The following GABRB1 variants were observed in gnomAD, a reference collection of about 807,000 sequenced individuals.
GABRB1 encodes the protein gamma-aminobutyric acid type A receptor subunit beta1.
In GABRB1, 17 loss-of-function variants were observed where a neutral mutation model predicts 51.6. The ratio of observed to expected loss-of-function variants is 0.33; its 90% CI spans 0.23 to 0.49. The LOEUF (loss-of-function observed/expected upper bound fraction) is 0.49, where lower values mean the gene tolerates loss of function less well. Ranked by LOEUF, GABRB1 falls within the 20% of genes least tolerant of loss-of-function variation. The pLI is 0.99. For synonymous variants in GABRB1, 247 were observed against 218.9 expected, an observed-to-expected ratio of 1.13 and a Z score of -1.14; for missense variants, 410 against 600.6, an observed-to-expected ratio of 0.68 and a Z score of 3.32.
At chr4:47,412,195 G>C (rs1250296410) in intron 8 of GABRB1, among the ~76,000 whole-genome samples, 5 of 152,116 alleles carry the variant, frequency 3.3e-5, no homozygotes, top group Admixed American at 3.3e-4. Flanking sequence ...TTAAGCTACA[G>C]CTTCCCAATT....
At chr4:47,198,891 T>G (rs1292385195) in intron 4 of GABRB1, among the ~76,000 whole-genome samples, 1 of 152,074 alleles carries the variant, frequency 6.6e-6, no homozygotes, top group African/African-American at 2.4e-5. Flanking sequence ...TGGTGGCAGG[T>G]GAGCAGAGAA....
In GABRB1 at chr4:47,056,588, C is replaced by A. The variant is rs556839371; in HGVS notation, c.240+24104C>A. ...CCAGAGAAATACACATACAAATGGA[C>A]AAACTGGTTGGGAATCCATGCCCTG... is the stretch of plus-strand genomic sequence containing the variant. On this transcript the variant is annotated intron_variant, in intron 3 of 8. Transcript: ENST00000295454. Among the ~76,000 whole-genome samples the A allele has an allele frequency of 4.7e-4, 72 of 152,124 alleles. No homozygotes were observed. The South Asian group carries it at 0.014, about 29-fold the overall frequency.
chr4:47,371,068 C>A (rs373869130), intron 5 of GABRB1, among the ~76,000 whole-genome samples: 8 of 147,872 alleles, frequency 5.4e-5, no homozygotes, highest in African/African-American at 2.0e-4. Context: ...GTTAGCTGTT[C>A]TTCCTAATGC....
Position 47,031,750 on chromosome 4 carries a change from ATCTCGCTCTCTC to A in GABRB1, c.80+24_80+35del, listed in dbSNP as rs1657132497. 2.0e-6 allele frequency: 3 copies of A among 1,524,466 alleles called. No homozygotes were observed. Among genetic ancestry groups the A allele is most frequent in the Middle Eastern group, 3.4e-4 (2 of 5,912 alleles). The allele number at this position is 1,524,466 out of a possible 1,614,324, so 94.4% of individuals were successfully genotyped here. A position where few individuals can be genotyped will look rare whatever the true frequency, so the allele number is the denominator to read the frequency against. ...CACACAGGTGAGCTGCTGTTGTTGA[ATCTCGCTCTCTC>A]TCTCTCTCTCTCTTTTTTTCTTGGT... On this transcript the variant is annotated intron_variant, in intron 1 of 8. Coordinates refer to ENST00000295454, the MANE Select transcript of GABRB1 (RefSeq NM_000812.4).
At chr4:47,099,088 A>T (rs1866989) in intron 3 of GABRB1, among the ~76,000 whole-genome samples, 58,683 of 151,882 alleles carry the variant, frequency 0.39, 11,606 homozygotes, top group South Asian at 0.45. Flanking sequence ...ATAGGTAGCA[A>T]GATTGTGAAG....
chr4:47,094,232 T>TC (rs201469350), intron 3 of GABRB1, among the ~76,000 whole-genome samples: 4,593 of 145,458 alleles, frequency 0.032, 346 homozygotes, highest in East Asian at 0.16. Flanking sequence ...TTTTTCTCTT[T>TC]TTTTTTTTTT....
intron 3 of GABRB1, among the ~76,000 whole-genome samples, chr4:47,117,412 G>A (rs966480792): frequency 1.3e-5 from 2 of 152,146 alleles, no homozygotes; most frequent in African/African-American, 4.8e-5. Flanking sequence ...CAAGGGTGCT[G>A]AGTCCCACTG....
At position 47,104,006 on chromosome 4, in the gene GABRB1, T is replaced by C. The variant is rs527886198; in HGVS notation, c.241-57243T>C. ...GCCCTTTCTAGCATTCCTTATGTCT[T>C]GATGTAATTCCAAGTTCCTGTCTGG... is the stretch of plus-strand genomic sequence containing the variant. On this transcript the variant is annotated intron_variant, in intron 3 of 8. Transcript: ENST00000295454. Among the ~76,000 whole-genome samples, 18 of 152,008 alleles carry C rather than the reference T, an allele frequency of 1.2e-4. No homozygotes were observed. In the South Asian group the frequency reaches 3.5e-3, roughly 30 times the overall value.
At chr4:47,128,921 T>C (rs1240158201) in intron 3 of GABRB1, among the ~76,000 whole-genome samples, 2 of 152,062 alleles carry the variant, frequency 1.3e-5, no homozygotes, top group Admixed American at 6.6e-5. Flanking sequence ...AAACCGTACA[T>C]TGTTGAACAA....
intron 3 of GABRB1, among the ~76,000 whole-genome samples, chr4:47,139,653 T>C (rs778372196): frequency 3.3e-5 from 5 of 152,014 alleles, no homozygotes; most frequent in Non-Finnish European, 7.4e-5. Flanking sequence ...AGTTTGACAT[T>C]GACAGGATTG....
chr4:47,178,268 G>T (rs2109765516), intron 4 of GABRB1, among the ~76,000 whole-genome samples: 1 of 152,162 alleles, frequency 6.6e-6, no homozygotes, highest in South Asian at 2.1e-4. Flanking sequence ...CTTAGAAATT[G>T]CTCTCTGGGT....
intron 5 of GABRB1, among the ~76,000 whole-genome samples, chr4:47,400,470 C>G (rs1171283203): frequency 6.6e-6 from 1 of 151,560 alleles, no homozygotes; most frequent in Non-Finnish European, 1.5e-5. Flanking sequence ...TTAAAAGGAA[C>G]AAAGTTGTAG....
At chr4:47,105,352 A>G (rs1023289867) in intron 3 of GABRB1, among the ~76,000 whole-genome samples, 1 of 152,070 alleles carries the variant, frequency 6.6e-6, no homozygotes, top group Non-Finnish European at 1.5e-5. Flanking sequence ...CTCTCCCAGC[A>G]AGAGATTGCC....
chr4:47,350,218 T>TATATATAGAGAGAG (rs750199965), intron 5 of GABRB1, among the ~76,000 whole-genome samples: 13 of 56,652 alleles, frequency 2.3e-4, no homozygotes, highest in African/African-American at 6.4e-4. Context: ...TATATATATA[T>TATATATAGAGAGAG]AGAGAGAGAG....
At chr4:47,053,974 A>G (rs1440914687) in intron 3 of GABRB1, among the ~76,000 whole-genome samples, 2 of 152,172 alleles carry the variant, frequency 1.3e-5, no homozygotes, top group Non-Finnish European at 2.9e-5. Context: ...TTTAAATACC[A>G]GGATCACATT....
intron 4 of GABRB1, among the ~76,000 whole-genome samples, chr4:47,301,688 TGCTACA>T (rs986513657): frequency 2.6e-5 from 4 of 151,434 alleles, no homozygotes; most frequent in Admixed American, 6.6e-5. Flanking sequence ...TTTATTAAGA[TGCTACA>T]GCTCATTCAA....
intron 5 of GABRB1, among the ~76,000 whole-genome samples, chr4:47,384,954 T>A (rs1424008281): frequency 6.6e-6 from 1 of 152,238 alleles, no homozygotes; most frequent in African/African-American, 2.4e-5. Flanking sequence ...AAAAACATTA[T>A]GATACTGACA....
intron 3 of GABRB1, among the ~76,000 whole-genome samples, chr4:47,080,771 A>G (rs1727801102): frequency 6.6e-6 from 1 of 152,170 alleles, no homozygotes; most frequent in South Asian, 2.1e-4. Context: ...ATCAAAAACA[A>G]TGATCCTTTA....
intron 4 of GABRB1, among the ~76,000 whole-genome samples, chr4:47,240,325 C>T (rs1721476199): frequency 6.6e-6 from 1 of 152,060 alleles, no homozygotes; most frequent in Admixed American, 6.5e-5. Flanking sequence ...GATCAAAGTC[C>T]CTATTTTTGC....
Sources: gnomAD v4.1 joint callset for allele counts (sites outside exome capture counted in the v4.1 genomes callset) on GRCh38, gnomAD v4.1.1 for gene constraint, MANE v1.5 for transcripts, NCBI Gene and HGNC (gene_info 2026-07-23, HGNC 2026-07-21) for gene names.